Variants in CCNY observed in about 807,000 individuals in gnomAD.
CCNY encodes the protein cyclin-Y.
In CCNY, 19 loss-of-function variants were observed where a neutral mutation model predicts 42.8. The ratio of observed to expected loss-of-function variants is 0.44; its 90% CI spans 0.31 to 0.65. The LOEUF is 0.65. Among genes scored for constraint, CCNY ranks in the 30% least tolerant of loss-of-function variants. The pLI, the probability that CCNY is intolerant of heterozygous loss-of-function variation, is 0.07. For missense variants in CCNY, 370 were observed against 437.3 expected, an observed-to-expected ratio of 0.85 and a Z score of 1.37; for synonymous variants, 165 against 162.7, an observed-to-expected ratio of 1.01 and a Z score of -0.11.
At chr10:35,486,596 G>T (rs1023234002) in intron 2 of CCNY, among the ~76,000 whole-genome samples, 14 of 152,162 alleles carry the variant, frequency 9.2e-5, no homozygotes, top group African/African-American at 3.1e-4. Context: ...AATCAGATAC[G>T]ATTGTGCCAC....
intron 4 of CCNY, among the ~76,000 whole-genome samples, chr10:35,525,282 T>G (rs1840630323): frequency 6.6e-6 from 1 of 152,186 alleles, no homozygotes; most frequent in Admixed American, 6.5e-5. Context: ...GGGCGGAATA[T>G]TTTTCTTACA....
chr10:35,479,721 C>T, intron 1 of CCNY, among the ~76,000 whole-genome samples: 1 of 151,154 alleles, frequency 6.6e-6, no homozygotes, highest in East Asian at 1.9e-4. Context: ...AACTAACCTG[C>T]ACAATGTGCA....
rs1387412726 is a variant in CCNY at position 35,336,543 on chromosome 10, A to G, written c.-511A>G. 1 of 148,330 alleles carries G rather than the reference A, an allele frequency of 6.7e-6. No individual in the cohort carries two copies. Among genetic ancestry groups the G allele is most frequent in the African/African-American group, 2.5e-5 (1 of 40,798 alleles). The allele number at this position is 148,330 out of a possible 1,614,324, so 9.2% of individuals were successfully genotyped here. A position where few individuals can be genotyped will look rare whatever the true frequency, so the allele number is the denominator to read the frequency against. ...GGCCGCGCCGCACCGCGCCGCGAGGAGTCCGGGGGCTGCGCCCACGCCCGC... is the reference window on the plus strand; with the variant it reads ...GGCCGCGCCGCACCGCGCCGCGAGGGGTCCGGGGGCTGCGCCCACGCCCGC... On this transcript the variant is annotated 5_prime_UTR_variant, in exon 1 of 10. Transcript: ENST00000374704.
chr10:35,408,752 A>G (rs1167373533), intron 1 of CCNY, among the ~76,000 whole-genome samples: 2 of 152,182 alleles, frequency 1.3e-5, no homozygotes, highest in African/African-American at 4.8e-5. Context: ...GAGGCCTGAC[A>G]GTAATATGAT....
chr10:35,435,710 A>AC (rs1838515013), intron 1 of CCNY, among the ~76,000 whole-genome samples: 1 of 152,152 alleles, frequency 6.6e-6, no homozygotes, highest in Non-Finnish European at 1.5e-5. Context: ...AGCTGTTGGT[A>AC]CAATCAGAAG....
chr10:35,514,075 C>CAAAAAAAAAAAAAAAAAAAAA (rs11451104), intron 3 of CCNY, among the ~76,000 whole-genome samples: 1 of 76,182 alleles, frequency 1.3e-5, no homozygotes, highest in African/African-American at 5.0e-5. Context: ...AGGACCAGTT[C>CAAAAAAAAAAAAAAAAAAAAA]AAAAAAAAAA....
chr10:35,370,970 C>T (rs1471155893), intron 1 of CCNY, among the ~76,000 whole-genome samples: 1 of 152,186 alleles, frequency 6.6e-6, no homozygotes, highest in Non-Finnish European at 1.5e-5. Flanking sequence ...CCGCCTCGGC[C>T]TCTCAAAGTG....
At chr10:35,545,478 G>C (rs1266115476) in intron 7 of CCNY, among the ~76,000 whole-genome samples, 1 of 152,180 alleles carries the variant, frequency 6.6e-6, no homozygotes, top group African/African-American at 2.4e-5. Flanking sequence ...TCATGCTCAC[G>C]CAGCGTTCTC....
chr10:35,498,709 G>T (rs1028444695), intron 2 of CCNY, among the ~76,000 whole-genome samples: 8 of 152,114 alleles, frequency 5.3e-5, no homozygotes, highest in African/African-American at 1.4e-4. Context: ...CGCGGAAGAC[G>T]CTCCAGAAGC....
chr10:35,410,882 G>C (rs1837888439), intron 1 of CCNY, among the ~76,000 whole-genome samples: 1 of 152,196 alleles, frequency 6.6e-6, no homozygotes, highest in Admixed American at 6.5e-5. Context: ...CGCTGGTCTA[G>C]AGAACTACTG....
At chr10:35,299,821 TTTTA>T (rs1835512249) in intron 3 of CCNY, among the ~76,000 whole-genome samples, 1 of 152,244 alleles carries the variant, frequency 6.6e-6, no homozygotes, top group Non-Finnish European at 1.5e-5. Flanking sequence ...TACCATATGT[TTTTA>T]TTTTTTTCTT....
intron 4 of CCNY, among the ~76,000 whole-genome samples, chr10:35,522,783 G>A (rs1382392982): frequency 6.6e-6 from 1 of 152,196 alleles, no homozygotes; most frequent in Non-Finnish European, 1.5e-5. Flanking sequence ...AGCCCCAAAA[G>A]ACTAACTGCT....
At chr10:35,379,659 T>C (rs11010185) in intron 1 of CCNY, among the ~76,000 whole-genome samples, 3 of 152,226 alleles carry the variant, frequency 2.0e-5, no homozygotes, top group African/African-American at 7.2e-5. Context: ...TGATTTAGAA[T>C]GTTGGCCTAT....
At chr10:35,480,520 T>C (rs140684472) in intron 1 of CCNY, among the ~76,000 whole-genome samples, 38 of 152,228 alleles carry the variant, frequency 2.5e-4, no homozygotes, top group African/African-American at 8.9e-4. Context: ...GAGGGGAGAC[T>C]CATCTTGGTG....
chr10:35,496,365 A>C (rs1187555722), intron 2 of CCNY, among the ~76,000 whole-genome samples: 2 of 152,234 alleles, frequency 1.3e-5, no homozygotes, highest in Non-Finnish European at 2.9e-5. Flanking sequence ...GGGGTCCTAC[A>C]CGCGGTCTCC....
intron 2 of CCNY, among the ~76,000 whole-genome samples, chr10:35,492,048 C>CT (rs1197259594): frequency 6.6e-6 from 1 of 152,082 alleles, no homozygotes; most frequent in Non-Finnish European, 1.5e-5. Flanking sequence ...TGCCTGGACT[C>CT]TCGTTTCCTC....
At chr10:35,400,671 A>T (rs929215257) in intron 1 of CCNY, among the ~76,000 whole-genome samples, 1 of 152,180 alleles carries the variant, frequency 6.6e-6, no homozygotes, top group Non-Finnish European at 1.5e-5. Flanking sequence ...TAATGGTGCA[A>T]TATGTACTTA....
intron 1 of CCNY, among the ~76,000 whole-genome samples, chr10:35,479,957 T>A (rs2049149645): frequency 6.6e-6 from 1 of 152,088 alleles, no homozygotes; most frequent in Admixed American, 6.5e-5. Context: ...TAAAGCAGGT[T>A]CATTTTGCTT....
rs913926442 is a variant in CCNY at position 35,483,331 on chromosome 10, T to C, written c.155-73T>C. On this transcript the variant is annotated intron_variant, in intron 1 of 9. Transcript: ENST00000374704. The stretch of plus-strand genomic sequence containing the variant: ...GTATTAGCAATTTAAAGTTGAAAAA[T>C]AATTGAGTCAATCTTGATTCCTCTT... The C allele has an allele frequency of 1.4e-5, 14 of 998,932 alleles. No homozygotes were observed. In the African/African-American group the frequency reaches 2.0e-4, roughly 14 times the overall value. The allele number at this position is 998,932 out of a possible 1,614,324, so 61.9% of individuals were successfully genotyped here.
Sources: gnomAD v4.1 joint callset for allele counts (sites outside exome capture counted in the v4.1 genomes callset) on GRCh38, gnomAD v4.1.1 for gene constraint, MANE v1.5 for transcripts, NCBI Gene and HGNC (gene_info 2026-07-23, HGNC 2026-07-21) for gene names.